The following KCNMA1 variants were observed in gnomAD, a reference collection of about 807,000 sequenced individuals.
The protein encoded by KCNMA1 is potassium calcium-activated channel subfamily M alpha 1.
In KCNMA1, 29 loss-of-function variants were observed where a neutral mutation model predicts 140.0. The ratio of observed to expected loss-of-function variants is 0.21; its 90% CI spans 0.15 to 0.28. The LOEUF is 0.28. Among genes scored for constraint, KCNMA1 ranks in the 10% least tolerant of loss-of-function variants. The pLI is 1.00. For missense variants in KCNMA1, 880 were observed against 1,602.2 expected (o/e 0.55, Z 7.70); for synonymous variants, 612 against 611.9 (o/e 1.00, Z 0.00).
At chr10:77,281,020 A>G (rs917010830) in intron 2 of KCNMA1, among the ~76,000 whole-genome samples, 1 of 152,212 alleles carries the variant, frequency 6.6e-6, no homozygotes, top group Non-Finnish European at 1.5e-5. Context: ...ACAGCAAGAG[A>G]TGTTAGAACT....
At chr10:77,507,870 T>A (rs954120932) in intron 1 of KCNMA1, among the ~76,000 whole-genome samples, 1 of 152,240 alleles carries the variant, frequency 6.6e-6, no homozygotes. Flanking sequence ...TCTAGGAATC[T>A]GTCCTAAAGA....
chr10:77,437,807 C>T (rs1261215925), intron 1 of KCNMA1, among the ~76,000 whole-genome samples: 2 of 152,182 alleles, frequency 1.3e-5, no homozygotes, highest in African/African-American at 4.8e-5. Context: ...AGGCAAATCC[C>T]TTACCTGGCT....
intron 3 of KCNMA1, among the ~76,000 whole-genome samples, chr10:77,215,276 C>T (rs1391789872): frequency 2.0e-5 from 3 of 152,126 alleles, no homozygotes; most frequent in Non-Finnish European, 4.4e-5. Flanking sequence ...TCTTTAATTT[C>T]CCTACTTCAC....
intron 5 of KCNMA1, among the ~76,000 whole-genome samples, chr10:77,170,660 C>G (rs950490127): frequency 6.6e-6 from 1 of 152,196 alleles, no homozygotes; most frequent in Non-Finnish European, 1.5e-5. Context: ...CTTCCCTAAT[C>G]TCCAACACAC....
At chr10:77,007,504 T>A (rs2089250867) in intron 18 of KCNMA1, among the ~76,000 whole-genome samples, 1 of 151,934 alleles carries the variant, frequency 6.6e-6, no homozygotes, top group Non-Finnish European at 1.5e-5. Context: ...CAATTAATTA[T>A]CTAGCAAGCA....
chr10:76,870,261 T>C (rs2031005433), exon 28 of KCNMA1: 1 of 152,222 alleles, frequency 6.6e-6, no homozygotes, highest in South Asian at 2.1e-4. Context: ...CTGAGTCCCA[T>C]GGGAGGGAAG....
At chr10:77,187,113 G>A (rs368926322) in intron 3 of KCNMA1, among the ~76,000 whole-genome samples, 3 of 151,974 alleles carry the variant, frequency 2.0e-5, no homozygotes, top group Admixed American at 6.6e-5. Context: ...TATTAATCCC[G>A]TGGCCTCTGT....
rs12775824 is a variant in KCNMA1, at chr10:76,987,346, C to T, written c.2266+14061G>A. On this transcript the variant is annotated intron_variant, in intron 19 of 27. Transcript: ENST00000286628. Reference sequence around the variant, plus strand: ...GATTCACTTTTTCTAATTTGGTTTCCGGGTGGGCTAGTTAAGAAGGCTTCA... The same window carrying T: ...GATTCACTTTTTCTAATTTGGTTTCTGGGTGGGCTAGTTAAGAAGGCTTCA... Among the ~76,000 whole-genome samples, 341 of 152,220 alleles carry T rather than the reference C, an allele frequency of 2.2e-3. 1 individual carries two copies. The highest frequency in any genetic ancestry group is 3.3e-3 in the Non-Finnish European group (223 of 68,016).
chr10:77,255,989 G>A (rs1367015313), intron 2 of KCNMA1, among the ~76,000 whole-genome samples: 1 of 152,030 alleles, frequency 6.6e-6, no homozygotes, highest in Non-Finnish European at 1.5e-5. Flanking sequence ...GAGGAGAGAG[G>A]GGAAGTCCAT....
At chr10:77,159,192 C>T (rs948844447) in intron 5 of KCNMA1, among the ~76,000 whole-genome samples, 22 of 152,144 alleles carry the variant, frequency 1.4e-4, no homozygotes, top group African/African-American at 5.1e-4. Flanking sequence ...AGCTCTAATA[C>T]ATTTTGATTT....
At chr10:77,216,883 G>T (rs2047952466) in intron 3 of KCNMA1, among the ~76,000 whole-genome samples, 1 of 152,152 alleles carries the variant, frequency 6.6e-6, no homozygotes, top group South Asian at 2.1e-4. Flanking sequence ...AAGGGTGTGG[G>T]CTACAGAAAG....
At chr10:77,600,879 C>T (rs965908135) in intron 1 of KCNMA1, among the ~76,000 whole-genome samples, 2 of 152,160 alleles carry the variant, frequency 1.3e-5, no homozygotes, top group African/African-American at 4.8e-5. Flanking sequence ...GGCTTCTGTT[C>T]CAGTCCTTAA....
intron 5 of KCNMA1, among the ~76,000 whole-genome samples, chr10:77,146,854 G>A (rs2098311249): frequency 6.6e-6 from 1 of 151,804 alleles, no homozygotes; most frequent in Non-Finnish European, 1.5e-5. Context: ...CTCATTCCTG[G>A]TCTCCTCCAG....
chr10:76,921,732 C>A lies in KCNMA1; in HGVS notation c.2903-6683G>T, dbSNP rs113610189. On this transcript the variant is annotated intron_variant, in intron 23 of 27. Coordinates refer to ENST00000286628, the MANE Select transcript of KCNMA1 (RefSeq NM_001161352.2). ...AATTCCATGTATAGAAGCACAATTG[C>A]TTTCTAACTTGTAGGGGAAGAAAAT... Among the ~76,000 whole-genome samples the A allele has an allele frequency of 1.1e-4, 16 of 152,272 alleles. No homozygotes were observed. The East Asian group carries it at 1.5e-3, about 15-fold the overall frequency.
intron 19 of KCNMA1, among the ~76,000 whole-genome samples, chr10:76,997,582 A>G (rs2084804562): frequency 1.3e-5 from 2 of 152,218 alleles, no homozygotes; most frequent in South Asian, 4.1e-4. Flanking sequence ...TTTCTATTAC[A>G]TTTAGCAATC....
At chr10:77,272,246 C>T (rs1317561685) in intron 2 of KCNMA1, among the ~76,000 whole-genome samples, 3 of 152,134 alleles carry the variant, frequency 2.0e-5, no homozygotes, top group African/African-American at 4.8e-5. Context: ...ATCTCTAGCA[C>T]CCAGGTGTGA....
intron 1 of KCNMA1, among the ~76,000 whole-genome samples, chr10:77,623,885 T>C (rs1457533882): frequency 1.3e-5 from 2 of 152,218 alleles, no homozygotes; most frequent in Admixed American, 1.3e-4. Flanking sequence ...AGTGTTAATG[T>C]AATGTATCTG....
chr10:76,910,270 G>T (rs1473724298), intron 24 of KCNMA1, 174 bp from the exon 25 acceptor site: 2 of 666,412 alleles, frequency 3.0e-6, no homozygotes, highest in Non-Finnish European at 5.3e-6. Flanking sequence ...TCAATGGACT[G>T]TTCCTGTGTC....
intron 5 of KCNMA1, among the ~76,000 whole-genome samples, chr10:77,130,984 C>G (rs1337564276): frequency 6.6e-6 from 1 of 151,956 alleles, no homozygotes; most frequent in Non-Finnish European, 1.5e-5. Context: ...ATGCAGAGAT[C>G]ACAGTGAAGA....
Sources: allele counts gnomAD v4.1 joint callset (sites outside exome capture counted in the v4.1 genomes callset), GRCh38; gene constraint gnomAD v4.1.1; transcripts MANE v1.5; gene names NCBI Gene and HGNC (gene_info 2026-07-23, HGNC 2026-07-21).